Variants in RFX3 observed in about 807,000 individuals in gnomAD.
RFX3 encodes the protein transcription factor RFX3.
RFX3 carries 14 observed loss-of-function variants against 98.6 expected under a neutral mutation model. The ratio of observed to expected loss-of-function variants is 0.14; its 90% CI spans 0.09 to 0.22. RFX3 has a LOEUF of 0.22. Ranked by LOEUF, RFX3 falls within the 10% of genes least tolerant of loss-of-function variation. The pLI is 1.00. For missense variants in RFX3, 639 were observed against 926.9 expected, an observed-to-expected ratio of 0.69 and a Z score of 4.03; for synonymous variants, 383 against 328.4, an observed-to-expected ratio of 1.17 and a Z score of -1.80.
chr9:3,481,029 T>C (rs552693230), intron 1 of RFX3, among the ~76,000 whole-genome samples: 6 of 152,290 alleles, frequency 3.9e-5, no homozygotes, highest in Admixed American at 2.6e-4. Context: ...AATTACATTA[T>C]GTTTTGTTAC....
intron 1 of RFX3, among the ~76,000 whole-genome samples, chr9:3,433,675 T>C (rs1844860595): frequency 6.6e-6 from 1 of 152,196 alleles, no homozygotes; most frequent in South Asian, 2.1e-4. Context: ...GTTAAACCAA[T>C]GTTTTTCAGA....
chr9:3,417,241 C>T (rs1200480439), intron 1 of RFX3, among the ~76,000 whole-genome samples: 1 of 151,768 alleles, frequency 6.6e-6, no homozygotes, highest in Admixed American at 6.6e-5. Context: ...TAATAAAATG[C>T]AGTATTATTG....
intron 2 of RFX3, among the ~76,000 whole-genome samples, chr9:3,361,079 G>C (rs771273290): frequency 1.3e-5 from 2 of 152,102 alleles, no homozygotes; most frequent in Non-Finnish European, 2.9e-5. Flanking sequence ...CATTTTAATA[G>C]ACCTACAAGA....
chr9:3,486,522 T>A (rs1025193548), intron 1 of RFX3, among the ~76,000 whole-genome samples: 6 of 152,190 alleles, frequency 3.9e-5, no homozygotes, highest in African/African-American at 1.4e-4. Flanking sequence ...TTCTGCCCTT[T>A]TCAGTGTCTC....
intron 15 of RFX3, among the ~76,000 whole-genome samples, chr9:3,233,054 G>C (rs1024701347): frequency 6.6e-6 from 1 of 152,216 alleles, no homozygotes; most frequent in East Asian, 1.9e-4. Flanking sequence ...TTTGAGAGAA[G>C]AAATACTTCC....
chr9:3,282,147 C>G (rs975108026), intron 7 of RFX3, among the ~76,000 whole-genome samples: 2 of 151,714 alleles, frequency 1.3e-5, no homozygotes, highest in East Asian at 1.9e-4. Flanking sequence ...TTGGAAAAAA[C>G]TGTCCCAGAA....
chr9:3,504,879 T>TATAATATAACATATATTATA (rs1816667365), intron 1 of RFX3, among the ~76,000 whole-genome samples: 2 of 53,184 alleles, frequency 3.8e-5, no homozygotes, highest in Admixed American at 3.5e-4. Context: ...ATTATATATA[T>TATAATATAACATATATTATA]TATATATAAT....
At chr9:3,306,956 C>G (rs1408315683) in intron 4 of RFX3, among the ~76,000 whole-genome samples, 1 of 151,906 alleles carries the variant, frequency 6.6e-6, no homozygotes, top group Admixed American at 6.6e-5. Flanking sequence ...GTGGGAGGGA[C>G]CTGGTGGGAG....
chr9:3,375,606 A>C (rs1838369636), intron 2 of RFX3, among the ~76,000 whole-genome samples: 1 of 152,154 alleles, frequency 6.6e-6, no homozygotes, highest in Admixed American at 6.5e-5. Flanking sequence ...CCTTGGTTTT[A>C]AGTTACAATT....
At chr9:3,403,863 C>A (rs1262490598) in intron 1 of RFX3, among the ~76,000 whole-genome samples, 1 of 152,128 alleles carries the variant, frequency 6.6e-6, no homozygotes, top group African/African-American at 2.4e-5. Context: ...CAGGGAGTGA[C>A]AGCCAGAACA....
intron 3 of RFX3, among the ~76,000 whole-genome samples, chr9:3,331,906 A>G (rs376574124): frequency 2.0e-5 from 3 of 152,136 alleles, no homozygotes; most frequent in African/African-American, 7.2e-5. Flanking sequence ...GGTCATCACT[A>G]CTCAGAACTC....
At chr9:3,390,703 C>T (rs1840221372) in intron 2 of RFX3, among the ~76,000 whole-genome samples, 1 of 152,096 alleles carries the variant, frequency 6.6e-6, no homozygotes, top group Non-Finnish European at 1.5e-5. Context: ...GGGAGTTTCC[C>T]TGCACAAGCT....
intron 1 of RFX3, among the ~76,000 whole-genome samples, chr9:3,500,271 G>A (rs1489824228): frequency 6.6e-6 from 1 of 152,074 alleles, no homozygotes; most frequent in Non-Finnish European, 1.5e-5. Context: ...GCAAAGCAAA[G>A]CACAGCACAG....
chr9:3,482,559 T>C (rs1849865605), intron 1 of RFX3, among the ~76,000 whole-genome samples: 2 of 152,252 alleles, frequency 1.3e-5, no homozygotes, highest in Admixed American at 1.3e-4. Flanking sequence ...GAACAGGTTC[T>C]GTGAACTTTG....
At position 3,439,636 on chromosome 9, in the gene RFX3, T is replaced by G. The variant is rs574143124; in HGVS notation, c.-8-44040A>C. Reference sequence around the variant, plus strand: ...AATGTGATATATGTATTAAAGAAATTGAATTTGTAATTCAAAAACCTTCCC... The same window carrying G: ...AATGTGATATATGTATTAAAGAAATGGAATTTGTAATTCAAAAACCTTCCC... On this transcript the variant is annotated intron_variant, in intron 1 of 16. Transcript: ENST00000617270. Among the ~76,000 whole-genome samples the G allele has an allele frequency of 4.6e-5, 7 of 152,116 alleles. No individual in the cohort carries two copies. In the South Asian group the frequency reaches 1.4e-3, roughly 32 times the overall value.
Position 3,460,788 on chromosome 9 carries a change from G to A in RFX3, c.-9+64959C>T, listed in dbSNP as rs557657397. Among the ~76,000 whole-genome samples the A allele has an allele frequency of 2.0e-5, 3 of 149,648 alleles. No individual in the cohort carries two copies. In the East Asian group the frequency reaches 6.1e-4, roughly 30 times the overall value. On this transcript the variant is annotated intron_variant, in intron 1 of 16. Coordinates refer to ENST00000617270, the MANE Select transcript of RFX3 (RefSeq NM_001282116.2). The stretch of plus-strand genomic sequence containing the variant: ...CTTCAAAACACTGTACTATTTTCTT[G>A]CCATTTCTAAGTATACATGCTTCTA...
chr9:3,226,763 T>A (rs771469532), intron 16 of RFX3, among the ~76,000 whole-genome samples: 5 of 152,196 alleles, frequency 3.3e-5, no homozygotes, highest in African/African-American at 7.2e-5. Flanking sequence ...CATGTTTGCA[T>A]GATATGTTTT....
chr9:3,516,044 TA>T (rs1236119833), intron 1 of RFX3, among the ~76,000 whole-genome samples: 3 of 149,256 alleles, frequency 2.0e-5, no homozygotes, highest in East Asian at 2.0e-4. Context: ...AGTATTAAAG[TA>T]AAAAAAAAAA....
rs1586848360 is a variant in RFX3, at chr9:3,277,543, A to C, written c.852-82T>G. The C allele has an allele frequency of 4.1e-6, 5 of 1,222,674 alleles. No individual in the cohort carries two copies. The East Asian group carries it at 1.2e-4, about 29-fold the overall frequency. The allele number at this position is 1,222,674 out of a possible 1,614,324, so 75.7% of individuals were successfully genotyped here. A position where few individuals can be genotyped will look rare whatever the true frequency, so the allele number is the denominator to read the frequency against. On this transcript the variant is annotated intron_variant, in intron 7 of 16. Transcript: ENST00000617270. ...ACTACCCGAAACTCCCAAAGCATTC[A>C]GTTTTATTCTATCTTCTTTAACGTC...
Sources: gnomAD v4.1 joint callset for allele counts (sites outside exome capture counted in the v4.1 genomes callset) on GRCh38, gnomAD v4.1.1 for gene constraint, MANE v1.5 for transcripts, NCBI Gene and HGNC (gene_info 2026-07-23, HGNC 2026-07-21) for gene names.